Variants in COLGALT1 observed in about 807,000 individuals in gnomAD.
COLGALT1 encodes the protein procollagen galactosyltransferase 1.
Under a neutral mutation model 60.8 loss-of-function variants are expected in COLGALT1, and 43 were observed. That is an observed-to-expected ratio of 0.71 (90% CI 0.55 to 0.91). COLGALT1 has a LOEUF of 0.91. Among genes scored for constraint, COLGALT1 ranks in the 40% least tolerant of loss-of-function variants. The pLI, the probability that COLGALT1 is intolerant of heterozygous loss-of-function variation, is 0.00. For synonymous variants in COLGALT1, 369 were observed against 374.2 expected, an observed-to-expected ratio of 0.99 and a Z score of 0.16; for missense variants, 845 against 880.0, an observed-to-expected ratio of 0.96 and a Z score of 0.50.
intron 1 of COLGALT1, 82 bp downstream of exon 1, chr19:17,556,055 C>T: frequency 1.6e-6 from 2 of 1,245,686 alleles, no homozygotes; most frequent in Non-Finnish European, 1.0e-6. Flanking sequence ...CCACGCGAGC[C>T]CCTGCCCGCT....
At chr19:17,578,204 G>A in intron 9 of COLGALT1, 115 bp downstream of exon 9, 1 of 1,234,518 alleles carries the variant, frequency 8.1e-7, no homozygotes, top group South Asian at 1.9e-5. Context: ...TCCAGCCTCA[G>A]CCATGGGACC....
chr19:17,563,763 G>T (rs530716402), intron 3 of COLGALT1, among the ~76,000 whole-genome samples: 1 of 152,002 alleles, frequency 6.6e-6, no homozygotes, highest in African/African-American at 2.4e-5. Flanking sequence ...AGTACTACTG[G>T]GATTACCGGT....
At chr19:17,559,568 C>T in intron 2 of COLGALT1, 147 bp downstream of exon 2, 1 of 650,776 alleles carries the variant, frequency 1.5e-6, no homozygotes, top group Non-Finnish European at 2.8e-6. Flanking sequence ...TCTGAGCCTC[C>T]CTCAGCTTTA....
At chr19:17,580,552 A>C in intron 10 of COLGALT1, 147 bp from the exon 11 acceptor site, 1 of 744,668 alleles carries the variant, frequency 1.3e-6, no homozygotes, top group Non-Finnish European at 2.2e-6. Context: ...GGGCTCCTGC[A>C]TTCACTCCAT....
intron 1 of COLGALT1, among the ~76,000 whole-genome samples, chr19:17,558,824 C>T (rs1254149793): frequency 1.3e-5 from 2 of 152,094 alleles, no homozygotes; most frequent in African/African-American, 4.8e-5. Flanking sequence ...AAACTGGGTC[C>T]TGTTCCCACC....
At chr19:17,575,314 C>T (rs1599791600) in intron 6 of COLGALT1, among the ~76,000 whole-genome samples, 1 of 151,234 alleles carries the variant, frequency 6.6e-6, no homozygotes, top group Non-Finnish European at 1.5e-5. Flanking sequence ...GGCCCGATCT[C>T]GGCTCACTGC....
intron 2 of COLGALT1, among the ~76,000 whole-genome samples, chr19:17,560,065 C>T (rs2076238863): frequency 6.6e-6 from 1 of 152,230 alleles, no homozygotes; most frequent in South Asian, 2.1e-4. Flanking sequence ...GCTGGGATCG[C>T]AGGCGTGGGC....
intron 3 of COLGALT1, among the ~76,000 whole-genome samples, chr19:17,564,066 C>G (rs1333751522): frequency 1.7e-5 from 2 of 119,022 alleles, no homozygotes; most frequent in South Asian, 2.3e-4. Context: ...TGAGACCCCC[C>G]CCATCTCTAC....
rs1417160973 is a variant in COLGALT1 at position 17,582,288 on chromosome 19, G to C, written c.*844G>C. The C allele has an allele frequency of 1.3e-5, 2 of 152,210 alleles. No individual in the cohort carries two copies. Among genetic ancestry groups the C allele is most frequent in the Admixed American group, 6.5e-5 (1 of 15,278 alleles). The allele number at this position is 152,210 out of a possible 1,614,324, so 9.4% of individuals were successfully genotyped here. A position where few individuals can be genotyped will look rare whatever the true frequency, so the allele number is the denominator to read the frequency against. On this transcript the variant is annotated 3_prime_UTR_variant, in exon 12 of 12. Coordinates refer to ENST00000252599, the MANE Select transcript of COLGALT1 (RefSeq NM_024656.4). ...CATATTGGTCACCTACTGTGTGCCTGGCACTCATGTCACAAAGATAAGTTC... is the reference window on the plus strand; with the variant it reads ...CATATTGGTCACCTACTGTGTGCCTCGCACTCATGTCACAAAGATAAGTTC...
In COLGALT1 at chr19:17,582,331, C is replaced by T. The variant is rs2076389233; in HGVS notation, c.*887C>T. ...ATAAGTTCCTGATTCGGTACACTTA[C>T]TGAGCACCTGCTGTGTGCAGGGAGC... On this transcript the variant is annotated 3_prime_UTR_variant, in exon 12 of 12. Coordinates refer to ENST00000252599, the MANE Select transcript of COLGALT1 (RefSeq NM_024656.4). 6.6e-6 allele frequency: 1 copy of T among 152,170 alleles called. No individual in the cohort carries two copies. Among genetic ancestry groups the T allele is most frequent in the South Asian group, 2.1e-4 (1 of 4,834 alleles). The allele number at this position is 152,170 out of a possible 1,614,324, so 9.4% of individuals were successfully genotyped here. A position where few individuals can be genotyped will look rare whatever the true frequency, so the allele number is the denominator to read the frequency against.
At chr19:17,567,607 C>T (rs1446360118) in intron 4 of COLGALT1, 67 bp downstream of exon 4, 1 of 1,536,830 alleles carries the variant, frequency 6.5e-7, no homozygotes, top group Non-Finnish European at 8.8e-7. Context: ...TAGAGTGTAA[C>T]TTACTGTCAC....
chr19:17,558,205 C>T (rs564058835), intron 1 of COLGALT1, among the ~76,000 whole-genome samples: 8 of 151,874 alleles, frequency 5.3e-5, no homozygotes, highest in Non-Finnish European at 7.4e-5. Flanking sequence ...TCCCAAAGTG[C>T]TGGAATTACA....
At chr19:17,559,513 G>T (rs776600210) in intron 2 of COLGALT1, 92 bp downstream of exon 2, 3 of 999,202 alleles carry the variant, frequency 3.0e-6, no homozygotes, top group Non-Finnish European at 4.6e-6. Context: ...ACAATTACAG[G>T]CCCTCAGTCC....
At chr19:17,579,380 C>A in intron 9 of COLGALT1, 102 bp from the exon 10 acceptor site, 1 of 1,509,428 alleles carries the variant, frequency 6.6e-7, no homozygotes, top group Non-Finnish European at 9.1e-7. Context: ...GATGCACTGG[C>A]TTCTCTACGG....
At chr19:17,579,443 C>T (rs962890213) in intron 9 of COLGALT1, 39 bp from the exon 10 acceptor site, 1 of 1,613,916 alleles carries the variant, frequency 6.2e-7, no homozygotes, top group Non-Finnish European at 8.5e-7. Context: ...CAGGCCTGGC[C>T]TTGGCCTCCC....
intron 1 of COLGALT1, among the ~76,000 whole-genome samples, chr19:17,558,881 C>T (rs1027411910): frequency 7.2e-5 from 11 of 151,966 alleles, no homozygotes; most frequent in African/African-American, 1.5e-4. Flanking sequence ...AGAAATGGGC[C>T]GGGCGCGGTG....
intron 3 of COLGALT1, among the ~76,000 whole-genome samples, chr19:17,564,854 C>G (rs2076271437): frequency 6.6e-6 from 1 of 152,090 alleles, no homozygotes. Flanking sequence ...TTTCATTCCC[C>G]AGAAAGAAAA....
chr19:17,559,032 G>A (rs890001732), intron 1 of COLGALT1, among the ~76,000 whole-genome samples: 2 of 152,058 alleles, frequency 1.3e-5, no homozygotes, highest in Non-Finnish European at 2.9e-5. Flanking sequence ...GTGGTGGCGG[G>A]CGCCTGTAGT....
In COLGALT1 at chr19:17,568,854, A is replaced by C. The variant is rs150747985; in HGVS notation, c.829+141A>C. On this transcript the variant is annotated intron_variant, in intron 5 of 11. Transcript: ENST00000252599. ...GCTGACTTCAGGTGCAGCTGTATCT[A>C]GGTGTTCAGATAATGTCTCCAGGAC... 4 of 785,656 alleles carry C rather than the reference A, an allele frequency of 5.1e-6. No individual in the cohort carries two copies. The African/African-American group carries it at 5.2e-5, about 10-fold the overall frequency. 48.7% of individuals were successfully genotyped at this position (785,656 alleles called of 1,614,324 possible).
Sources: allele counts gnomAD v4.1 joint callset (sites outside exome capture counted in the v4.1 genomes callset), GRCh38; gene constraint gnomAD v4.1.1; transcripts MANE v1.5; gene names NCBI Gene and HGNC (gene_info 2026-07-23, HGNC 2026-07-21).